IL36A: variants seen among roughly 807,000 people sequenced by gnomAD.
IL36A encodes the protein interleukin-36 alpha.
Under a neutral mutation model 12.7 loss-of-function variants are expected in IL36A, and 13 were observed. That is an observed-to-expected ratio of 1.02 (90% confidence interval 0.67 to 1.63). IL36A has a LOEUF of 1.63. Ranked by LOEUF, IL36A falls within the 40% of genes most tolerant of loss-of-function variation. The pLI, the probability that IL36A is intolerant of heterozygous loss-of-function variation, is 0.00. For missense variants in IL36A, 195 were observed against 192.9 expected (o/e 1.01, Z -0.07); for synonymous variants, 73 against 71.9 (o/e 1.01, Z -0.08).
intron 3 of IL36A, among the ~76,000 whole-genome samples, chr2:113,007,363 A>G (rs1400586772): frequency 6.6e-6 from 1 of 152,212 alleles, no homozygotes; most frequent in Admixed American, 6.5e-5. Flanking sequence ...TATCGGGTAG[A>G]TGACAGGGAT....
chr2:113,008,671 C>G (rs1305989882), downstream of IL36A: 1 of 156,374 alleles, frequency 6.4e-6, no homozygotes, highest in African/African-American at 2.4e-5. Context: ...CAAGGAGAAG[C>G]AGATATAAAT....
chr2:113,009,355 G>A (rs1206513259), downstream of IL36A, among the ~76,000 whole-genome samples: 1 of 151,590 alleles, frequency 6.6e-6, no homozygotes, highest in Non-Finnish European at 1.5e-5. Flanking sequence ...AAAGACACAT[G>A]CACACGTATG....
chr2:113,007,922 G>C lies in IL36A; in HGVS notation c.355G>C (p.Glu119Gln), dbSNP rs751744163. 1.8e-5 allele frequency: 29 copies of C among 1,614,044 alleles called. No individual in the cohort carries two copies. In the Admixed American group the frequency reaches 2.8e-4, roughly 16 times the overall value. Residue 119 changes from glutamate to glutamine, a missense_variant, in exon 4 of 4, where the codon GAG becomes CAG. By Grantham distance (29) the Glu-to-Gln change is conservative (BLOSUM62 2). Coordinates refer to ENST00000259211, the MANE Select transcript of IL36A (RefSeq NM_014440.3). Reference protein sequence around the residue: ...HSQSGRNSTFESVAFPGWFIA... With the variant: ...HSQSGRNSTFQSVAFPGWFIA... ...CCAGAGTGGCAGGAACTCCACCTTC[G>C]AGTCTGTGGCTTTCCCTGGCTGGTT...
At chr2:113,010,400 G>T (rs1298603082), downstream of IL36A, among the ~76,000 whole-genome samples, 1 of 152,184 alleles carries the variant, frequency 6.6e-6, no homozygotes, top group Non-Finnish European at 1.5e-5. Context: ...CTTTCCCTGT[G>T]CTGGTAATTC....
In IL36A at chr2:113,006,679, G is replaced by A. The variant is rs1480827260; in HGVS notation, c.206G>A (p.Gly69Glu). Residue 69 changes from glycine to glutamate, a missense_variant, in exon 3 of 4, where the codon GGA becomes GAA. By Grantham distance (98) the Gly-to-Glu change is moderately conservative. Coordinates refer to ENST00000259211, the MANE Select transcript of IL36A (RefSeq NM_014440.3). The part of the protein sequence containing the change: ...RGNPIYLGLN[G>E]LNLCLMCAKV... Reference sequence around the variant, plus strand: ...AACCCCATCTACCTGGGCCTGAATGGACTCAATCTCTGCCTGATGTGTGCT... The same window carrying A: ...AACCCCATCTACCTGGGCCTGAATGAACTCAATCTCTGCCTGATGTGTGCT... 6.2e-7 allele frequency: 1 copy of A among 1,614,170 alleles called. No individual in the cohort carries two copies. Among genetic ancestry groups the A allele is most frequent in the South Asian group, 1.1e-5 (1 of 91,088 alleles).
At position 113,006,632 on chromosome 2, in the gene IL36A, G is replaced by T. The variant is rs759586374; in HGVS notation, c.159G>T (p.Glu53Asp). The T allele has an allele frequency of 5.0e-6, 8 of 1,614,112 alleles. No individual in the cohort carries two copies. The highest frequency in any genetic ancestry group is 6.8e-6 in the Non-Finnish European group (8 of 1,180,012). The change falls in exon 3 of 4, where the codon GAG becomes GAT. Residue 53 changes from glutamate to aspartate, a missense_variant. Glu to Asp is a conservative substitution (Grantham distance 45). Transcript: ENST00000259211. Reference protein sequence around the residue: ...TIALISCRHVETLEKDRGNPI... With the variant: ...TIALISCRHVDTLEKDRGNPI... The stretch of plus-strand genomic sequence containing the variant: ...CCTTAATCTCATGCCGACATGTGGA[G>T]ACCCTTGAGAAAGACAGAGGGAACC...
chr2:113,010,579 C>T (rs549878887), downstream of IL36A, among the ~76,000 whole-genome samples: 17 of 152,262 alleles, frequency 1.1e-4, no homozygotes, highest in South Asian at 3.3e-3. Context: ...TTGACGTTGC[C>T]TGGATGTTTT....
Position 113,006,359 on chromosome 2 carries a change from T to C in IL36A, c.125-239T>C, listed in dbSNP as rs1229727027. On this transcript the variant is annotated intron_variant, in intron 2 of 3. Transcript: ENST00000259211. ...TCTGAGAAACTTCAAGGAGTAAGAGTAGGACAAAAGAGGGTAATCTATGGG... is the reference window on the plus strand; with the variant it reads ...TCTGAGAAACTTCAAGGAGTAAGAGCAGGACAAAAGAGGGTAATCTATGGG... Among the ~76,000 whole-genome samples, 4 of 151,890 alleles carry C rather than the reference T, an allele frequency of 2.6e-5. No individual in the cohort carries two copies. The South Asian group carries it at 8.3e-4, about 32-fold the overall frequency.
At chr2:113,006,364 C>T (rs1684621505) in intron 2 of IL36A, among the ~76,000 whole-genome samples, 1 of 152,102 alleles carries the variant, frequency 6.6e-6, no homozygotes, top group African/African-American at 2.4e-5. Context: ...AAGAGTAGGA[C>T]AAAAGAGGGT....
rs781027848 is a variant in IL36A, at chr2:113,006,085, C to T, written c.122C>T (p.Pro41Leu). Residue 41 changes from proline (P) to leucine (L), a missense_variant and splice_region_variant, in exon 2 of 4, where the codon CCA (proline) becomes CTA (leucine). Coordinates refer to ENST00000259211, the MANE Select transcript of IL36A (RefSeq NM_014440.3). ...IAVPRKDRMSPVTIALISCRH... is the reference protein window; with the variant it reads ...IAVPRKDRMSLVTIALISCRH... The stretch of plus-strand genomic sequence containing the variant: ...GTCCCGAGGAAGGACCGTATGTCTC[C>T]AGGTGAGTAGCCACGGTCTGTGAAA... 2.5e-6 allele frequency: 4 copies of T among 1,599,176 alleles called. No homozygotes were observed. In the South Asian group the frequency reaches 4.4e-5, roughly 18 times the overall value.
rs763397803 is a variant in IL36A at position 113,005,841 on chromosome 2, T to G, written c.-31T>G. The G allele has an allele frequency of 6.2e-7, 1 of 1,614,016 alleles. No individual in the cohort carries two copies. On this transcript the variant is annotated 5_prime_UTR_variant, in exon 1 of 4. Transcript: ENST00000259211. ...CGGTCTGCACATAAAAGGACTCCTA[T>G]CCTTGGCAGTTCTGAAACAACACCA...
downstream of IL36A, among the ~76,000 whole-genome samples, chr2:113,010,362 C>CA (rs774040776): frequency 4.6e-5 from 7 of 152,188 alleles, no homozygotes; most frequent in Admixed American, 2.0e-4. Flanking sequence ...ATGGTTCCTA[C>CA]AAAAAAGTAG....
At position 113,005,851 on chromosome 2, in the gene IL36A, T is replaced by C; in HGVS notation, c.-21T>C. 6.2e-7 allele frequency: 1 copy of C among 1,614,126 alleles called. No individual in the cohort carries two copies. The highest frequency in any genetic ancestry group is 1.6e-4 in the Middle Eastern group (1 of 6,062). On this transcript the variant is annotated 5_prime_UTR_variant, in exon 1 of 4. Transcript: ENST00000259211. ...ATAAAAGGACTCCTATCCTTGGCAGTTCTGAAACAACACCACCACAATGGA... is the reference window on the plus strand; with the variant it reads ...ATAAAAGGACTCCTATCCTTGGCAGCTCTGAAACAACACCACCACAATGGA...
At chr2:113,009,688 G>T (rs1048206594), downstream of IL36A, among the ~76,000 whole-genome samples, 2 of 152,182 alleles carry the variant, frequency 1.3e-5, no homozygotes, top group African/African-American at 4.8e-5. Flanking sequence ...CCCAAACTCA[G>T]GTTTCTCCAG....
At chr2:113,008,553 G>C (rs2105029092), downstream of IL36A, 1 of 274,368 alleles carries the variant, frequency 3.6e-6, no homozygotes, top group East Asian at 1.4e-4. Context: ...AGTAGAGACG[G>C]GGTTTCACCA....
chr2:113,007,508 T>A (rs1684645913), intron 3 of IL36A, among the ~76,000 whole-genome samples: 1 of 152,244 alleles, frequency 6.6e-6, no homozygotes, highest in Admixed American at 6.5e-5. Context: ...TTACAGTAAC[T>A]GTTACATAAA....
chr2:113,007,792 C>T, intron 3 of IL36A, 40 bp from the exon 4 acceptor site: 1 of 1,474,918 alleles, frequency 6.8e-7, no homozygotes, highest in South Asian at 1.1e-5. Context: ...AACATTCAAA[C>T]AGTTATGTTT....
In IL36A at chr2:113,007,825, C is replaced by T; in HGVS notation, c.265-7C>T. 2 of 1,610,060 alleles carry T rather than the reference C, an allele frequency of 1.2e-6. No homozygotes were observed. The highest frequency in any genetic ancestry group is 3.3e-5 in the Admixed American group (2 of 60,004). On this transcript the variant is annotated splice_region_variant and splice_polypyrimidine_tract_variant and intron_variant, in intron 3 of 3. Coordinates refer to ENST00000259211, the MANE Select transcript of IL36A (RefSeq NM_014440.3). ...TTTCTTGCTGGTGTCTCCTTCGCAC[C>T]CTTCAGGAAAAGGATATAATGGATT...
In IL36A at chr2:113,007,896, G is replaced by A. The variant is rs773138459; in HGVS notation, c.329G>A (p.Ser110Asn). The A allele has an allele frequency of 1.2e-6, 2 of 1,614,162 alleles. No homozygotes were observed. The highest frequency in any genetic ancestry group is 1.7e-6 in the Non-Finnish European group (2 of 1,180,020). The change falls in exon 4 of 4, where the codon AGC (serine) becomes AAC (asparagine). Residue 110 changes from serine (S) to asparagine (N), a missense_variant. Transcript: ENST00000259211. ...EPVKSFLFYH[S>N]QSGRNSTFES... ...GTGAAGTCCTTTCTCTTCTACCACA[G>A]CCAGAGTGGCAGGAACTCCACCTTC...
Sources: gnomAD v4.1 joint callset for allele counts (sites outside exome capture counted in the v4.1 genomes callset) on GRCh38, gnomAD v4.1.1 for gene constraint, MANE v1.5 for transcripts, NCBI Gene and HGNC (gene_info 2026-07-23, HGNC 2026-07-21) for gene names.